The following MORN1 variants were observed in gnomAD, a reference collection of about 807,000 sequenced individuals.
MORN1 encodes the protein MORN repeat containing 1, also known as MORN repeat-containing protein 1.
A neutral mutation model predicts 61.9 loss-of-function variants in MORN1; 67 were observed. The observed-to-expected ratio is 1.08, with a 90% confidence interval of 0.89 to 1.33. MORN1 has a LOEUF of 1.33. Ranked by LOEUF, MORN1 falls within the 40% of genes most tolerant of loss-of-function variation. The pLI, the probability that MORN1 is intolerant of heterozygous loss-of-function variation, is 0.00. For missense variants in MORN1, 752 were observed against 691.2 expected (o/e 1.09, Z -0.99); for synonymous variants, 301 against 292.0 (o/e 1.03, Z -0.31).
At chr1:2,385,669 TGGCGG>T (rs1642480119) in intron 5 of MORN1, 133 bp downstream of exon 5, 2 of 651,546 alleles carry the variant, frequency 3.1e-6, no homozygotes. Flanking sequence ...ACTGGGGGGG[TGGCGG>T]GTAGACAGCA....
chr1:2,390,059 G>A, intron 1 of MORN1, 63 bp from the exon 2 acceptor site: 1 of 1,472,412 alleles, frequency 6.8e-7, no homozygotes, highest in Non-Finnish European at 9.5e-7. Context: ...GCTCTCCAGT[G>A]CTGAAGGAGG....
chr1:2,322,453 T>C, intron 13 of MORN1: 1 of 985,104 alleles, frequency 1.0e-6, no homozygotes, highest in Admixed American at 6.1e-5. Flanking sequence ...GGCGGCCTCC[T>C]CGGCCAGGCC....
intron 9 of MORN1, 51 bp downstream of exon 9, chr1:2,358,541 A>G: frequency 1.2e-6 from 2 of 1,611,710 alleles, no homozygotes; most frequent in Non-Finnish European, 1.7e-6. Context: ...TGTGACCTAA[A>G]TGAACTCAAA....
At chr1:2,343,433 G>A (rs889781994) in intron 10 of MORN1, among the ~76,000 whole-genome samples, 10 of 152,326 alleles carry the variant, frequency 6.6e-5, no homozygotes, top group African/African-American at 2.2e-4. Flanking sequence ...GGCGGGTGCC[G>A]TTCCAGCCAG....
intron 10 of MORN1, among the ~76,000 whole-genome samples, chr1:2,353,960 G>A (rs1641706397): frequency 6.6e-6 from 1 of 152,236 alleles, no homozygotes; most frequent in Non-Finnish European, 1.5e-5. Context: ...AGTCCTAAAT[G>A]GGATTACGGA....
intron 13 of MORN1, chr1:2,323,854 A>C: frequency 1.0e-6 from 1 of 985,046 alleles, no homozygotes; most frequent in Non-Finnish European, 1.2e-6. Flanking sequence ...CATTCCCCAC[A>C]TCAAGGGCTG....
Position 2,357,470 on chromosome 1 carries a change from G to A in MORN1, c.998C>T (p.Ala333Val). ...AGGGGTGTCCTCCTGGCCATGGAGG[G>A]CACCCAAATGCAGCTCCAGGTCTCC... ...PRGDLELHLGALHGQEDTPGG... is the reference protein window; with the variant it reads ...PRGDLELHLGVLHGQEDTPGG... The change falls in exon 10 of 14, where the codon GCC becomes GTC. Residue 333 changes from alanine to valine, a missense_variant. Ala to Val is a moderately conservative substitution (Grantham distance 64). Coordinates refer to ENST00000378531, the MANE Select transcript of MORN1 (RefSeq NM_024848.3). The surrounding 1 kb of genome is among the most constrained non-coding windows in gnomAD (Gnocchi z 6.3). The A allele has an allele frequency of 1.9e-6, 3 of 1,611,984 alleles. No homozygotes were observed. The highest frequency in any genetic ancestry group is 2.5e-6 in the Non-Finnish European group (3 of 1,179,256).
intron 10 of MORN1, among the ~76,000 whole-genome samples, chr1:2,338,316 G>A (rs1557871818): frequency 1.3e-5 from 2 of 152,184 alleles, no homozygotes; most frequent in Admixed American, 1.3e-4. Flanking sequence ...CTCTTTAACT[G>A]ACATCCTTCT....
At position 2,336,702 on chromosome 1, in the gene MORN1, C is replaced by A. The variant is rs746981369; in HGVS notation, c.1170+15G>T. On this transcript the variant is annotated intron_variant, in intron 11 of 13. Coordinates refer to ENST00000378531, the MANE Select transcript of MORN1 (RefSeq NM_024848.3). ...GTGATGTGGGGTGGCCTCCCCGCCCCCCGTGGGCACCCACCTTGTGGAGGC... is the reference window on the plus strand; with the variant it reads ...GTGATGTGGGGTGGCCTCCCCGCCCACCGTGGGCACCCACCTTGTGGAGGC... 2 of 1,547,740 alleles carry A rather than the reference C, an allele frequency of 1.3e-6. No individual in the cohort carries two copies.
At chr1:2,340,377 C>G (rs985068396) in intron 10 of MORN1, among the ~76,000 whole-genome samples, 3 of 152,180 alleles carry the variant, frequency 2.0e-5, no homozygotes, top group African/African-American at 7.2e-5. Context: ...ACCTGAGTCC[C>G]TCCTCCAGCT....
intron 5 of MORN1, 156 bp from the exon 6 acceptor site, chr1:2,385,221 GC>G: frequency 1.4e-6 from 1 of 722,846 alleles, no homozygotes; most frequent in Non-Finnish European, 2.3e-6. Context: ...CCTCGCCAGG[GC>G]CAGCTGGGGG....
In MORN1 at chr1:2,324,282, G is replaced by T; in HGVS notation, c.1251-139C>A. ...AGCAGAGGCCTGCGAACCCCACCTC[G>T]GGGCCATGGGCAGGACGGGGAGAGT... On this transcript the variant is annotated intron_variant, in intron 12 of 13. Coordinates refer to ENST00000378531, the MANE Select transcript of MORN1 (RefSeq NM_024848.3). 12 of 823,408 alleles carry T rather than the reference G, an allele frequency of 1.5e-5. No homozygotes were observed. In the South Asian group the frequency reaches 1.9e-4, roughly 13 times the overall value. 51.0% of individuals were successfully genotyped at this position (823,408 alleles called of 1,614,324 possible).
intron 10 of MORN1, chr1:2,352,001 C>T (rs1025066831): frequency 1.9e-6 from 1 of 515,500 alleles, no homozygotes; most frequent in Non-Finnish European, 3.7e-6. Flanking sequence ...GAATGAGACC[C>T]CCTCCACCAG....
chr1:2,356,652 C>T lies in MORN1; in HGVS notation c.1036+780G>A, dbSNP rs1377086972. On this transcript the variant is annotated intron_variant, in intron 10 of 13. Transcript: ENST00000378531. ...GCTGTGGCAAGAAGGACCCGGTGGCCGGCAGCACCCCAGGGCCTCCCAACG... is the reference window on the plus strand; with the variant it reads ...GCTGTGGCAAGAAGGACCCGGTGGCTGGCAGCACCCCAGGGCCTCCCAACG... 4.6e-5 allele frequency among the ~76,000 whole-genome samples: 7 copies of T among 152,172 alleles called. No homozygotes were observed. The East Asian group carries it at 1.2e-3, about 25-fold the overall frequency.
At chr1:2,325,717 G>A (rs1641013526) in intron 12 of MORN1, among the ~76,000 whole-genome samples, 1 of 149,090 alleles carries the variant, frequency 6.7e-6, no homozygotes, top group Non-Finnish European at 1.5e-5. Flanking sequence ...GCTGTGGCCT[G>A]ATCATGGCTC....
At chr1:2,340,490 A>G (rs1013495414) in intron 10 of MORN1, among the ~76,000 whole-genome samples, 80 of 152,132 alleles carry the variant, frequency 5.3e-4, no homozygotes, top group African/African-American at 1.9e-3. Flanking sequence ...AACTTCTCGG[A>G]TCCTCCTTGT....
At chr1:2,356,676 C>T (rs1201026643) in intron 10 of MORN1, among the ~76,000 whole-genome samples, 2 of 152,204 alleles carry the variant, frequency 1.3e-5, no homozygotes, top group Admixed American at 6.5e-5. Context: ...GGCCTCCCAA[C>T]GCTGTCAAGA....
intron 13 of MORN1, chr1:2,322,933 C>T (rs972622133): frequency 1.0e-6 from 1 of 985,426 alleles, no homozygotes; most frequent in Non-Finnish European, 1.2e-6. Context: ...CGTGATCTAG[C>T]CCTGGGCCAG....
intron 8 of MORN1, among the ~76,000 whole-genome samples, chr1:2,362,137 C>A (rs1362709594): frequency 6.6e-6 from 1 of 152,166 alleles, no homozygotes; most frequent in Non-Finnish European, 1.5e-5. Context: ...GAGGCTGAGG[C>A]AGGAGAATCA....
Sources: gnomAD v4.1 joint callset for allele counts (sites outside exome capture counted in the v4.1 genomes callset) on GRCh38, gnomAD v4.1.1 for gene constraint, Gnocchi (gnomAD v3.1) non-coding constraint, MANE v1.5 for transcripts, NCBI Gene and HGNC (gene_info 2026-07-23, HGNC 2026-07-21) for gene names.